Variants in B3GLCT observed in about 807,000 individuals in gnomAD.
The protein encoded by B3GLCT is beta 3-glucosyltransferase.
A neutral mutation model predicts 63.4 loss-of-function variants in B3GLCT; 65 were observed. The ratio of observed to expected loss-of-function variants is 1.03; its 90% CI spans 0.84 to 1.26. The LOEUF is 1.26. Ranked by LOEUF, B3GLCT falls within the 50% of genes most tolerant of loss-of-function variation. B3GLCT has a pLI of 0.00. For missense variants in B3GLCT, 577 were observed against 604.8 expected (o/e 0.95, Z 0.48); for synonymous variants, 233 against 219.2 (o/e 1.06, Z -0.55).
chr13:31,246,017 A>T (rs1453621447), intron 4 of B3GLCT, among the ~76,000 whole-genome samples: 1 of 152,196 alleles, frequency 6.6e-6, no homozygotes, highest in African/African-American at 2.4e-5. Flanking sequence ...TTGAAATTTA[A>T]TTCCAAAGAT....
At chr13:31,275,165 A>ACC (rs1872723330) in intron 9 of B3GLCT, among the ~76,000 whole-genome samples, 1 of 152,250 alleles carries the variant, frequency 6.6e-6, no homozygotes, top group South Asian at 2.1e-4. Context: ...CTAGCACTTT[A>ACC]CATACTAAAA....
chr13:31,221,323 G>T (rs886867754), intron 2 of B3GLCT, among the ~76,000 whole-genome samples: 2 of 152,212 alleles, frequency 1.3e-5, no homozygotes, highest in African/African-American at 2.4e-5. Flanking sequence ...GGCTCCTCTG[G>T]AGCTGAGGCT....
intron 14 of B3GLCT, among the ~76,000 whole-genome samples, chr13:31,327,986 A>G (rs1593325491): frequency 6.6e-6 from 1 of 152,180 alleles, no homozygotes; most frequent in African/African-American, 2.4e-5. Context: ...AGTGTGCCCA[A>G]CCGGCGGTAA....
intron 6 of B3GLCT, among the ~76,000 whole-genome samples, chr13:31,257,964 T>A (rs1237143159): frequency 6.6e-6 from 1 of 152,110 alleles, no homozygotes; most frequent in South Asian, 2.1e-4. Context: ...TCAGGGGAGA[T>A]AAGCAATAGA....
In B3GLCT at chr13:31,263,682, TG is replaced by T. The variant is rs145672798; in HGVS notation, c.596+2602del. On this transcript the variant is annotated intron_variant, in intron 7 of 14. Transcript: ENST00000343307. ...GGGCGACTGTATGTTCTGGATTATC[TG>T]GCATTTTGCAAGGTAGTCCCACAGG... Among the ~76,000 whole-genome samples the T allele has an allele frequency of 5.5e-3, 842 of 152,338 alleles. 5 individuals are homozygous for T. The highest frequency in any genetic ancestry group is 0.019 in the African/African-American group (798 of 41,566).
chr13:31,238,677 C>A (rs115854543), intron 4 of B3GLCT, among the ~76,000 whole-genome samples: 1 of 152,254 alleles, frequency 6.6e-6, no homozygotes, highest in Non-Finnish European at 1.5e-5. Context: ...ATAGGCCAGG[C>A]GCACCTGTAG....
At chr13:31,246,563 G>T (rs1871201161) in intron 4 of B3GLCT, among the ~76,000 whole-genome samples, 1 of 152,196 alleles carries the variant, frequency 6.6e-6, no homozygotes, top group East Asian at 1.9e-4. Context: ...ACATGAGGTA[G>T]ATCAAATATT....
intron 12 of B3GLCT, among the ~76,000 whole-genome samples, chr13:31,292,821 TG>T (rs1760197606): frequency 1.3e-5 from 2 of 152,152 alleles, no homozygotes; most frequent in Non-Finnish European, 2.9e-5. Flanking sequence ...AGTTCTGCTC[TG>T]ATCTTAGTTA....
intron 4 of B3GLCT, among the ~76,000 whole-genome samples, chr13:31,237,977 C>T (rs1032889325): frequency 2.0e-5 from 3 of 152,172 alleles, no homozygotes; most frequent in Non-Finnish European, 4.4e-5. Context: ...CAGAAGTCAG[C>T]AGTAAGTTTT....
intron 4 of B3GLCT, among the ~76,000 whole-genome samples, chr13:31,240,632 G>A (rs1264719299): frequency 6.6e-6 from 1 of 152,006 alleles, no homozygotes; most frequent in Admixed American, 6.5e-5. Flanking sequence ...GAGACTGTGA[G>A]TTACTTCATT....
intron 8 of B3GLCT, among the ~76,000 whole-genome samples, chr13:31,270,821 C>G (rs966035010): frequency 2.7e-5 from 4 of 148,662 alleles, no homozygotes; most frequent in African/African-American, 9.7e-5. Flanking sequence ...TTTTTTGCTC[C>G]TTAGTTCAGC....
Position 31,329,796 on chromosome 13 carries a change from A to G in B3GLCT, c.*128A>G. 4 of 1,002,720 alleles carry G rather than the reference A, an allele frequency of 4.0e-6. No homozygotes were observed. Among genetic ancestry groups the G allele is most frequent in the Non-Finnish European group, 6.1e-6 (4 of 658,494 alleles). 62.1% of individuals were successfully genotyped at this position (1,002,720 alleles called of 1,614,324 possible). A position where few individuals can be genotyped will look rare whatever the true frequency, so the allele number is the denominator to read the frequency against. On this transcript the variant is annotated 3_prime_UTR_variant, in exon 15 of 15. Coordinates refer to ENST00000343307, the MANE Select transcript of B3GLCT (RefSeq NM_194318.4). ...TTGGGTGCTTCCTGACTTTAGGGGG[A>G]GATTTTATGTATGGTATTTTTTGAC...
At chr13:31,321,612 A>G (rs1422526130) in intron 13 of B3GLCT, among the ~76,000 whole-genome samples, 5 of 152,202 alleles carry the variant, frequency 3.3e-5, no homozygotes, top group African/African-American at 9.6e-5. Context: ...ATGGCGGGTC[A>G]CAGTCCAGTA....
chr13:31,207,631 T>G (rs1869028967), intron 1 of B3GLCT, among the ~76,000 whole-genome samples: 1 of 152,216 alleles, frequency 6.6e-6, no homozygotes, highest in African/African-American at 2.4e-5. Context: ...GTTGGTCTCA[T>G]CAAACTTTGT....
intron 12 of B3GLCT, among the ~76,000 whole-genome samples, chr13:31,316,407 T>TTTTATATATATATATATATATATATA (rs1239451482): frequency 3.7e-4 from 15 of 40,854 alleles, no homozygotes; most frequent in African/African-American, 9.2e-4. Flanking sequence ...TTTGGAGGTT[T>TTTTATATATATATATATATATATATA]TATATATATA....
intron 8 of B3GLCT, 121 bp from the exon 9 acceptor site, chr13:31,274,388 A>G: frequency 7.8e-7 from 1 of 1,287,198 alleles, no homozygotes; most frequent in Non-Finnish European, 1.1e-6. Context: ...TGACAAATTG[A>G]TATGGTTCAG....
chr13:31,287,358 TCA>T (rs1299599309), intron 12 of B3GLCT, among the ~76,000 whole-genome samples: 2 of 152,164 alleles, frequency 1.3e-5, no homozygotes, highest in Admixed American at 6.5e-5. Context: ...TGCCTGACAC[TCA>T]CACATGCCTG....
intron 4 of B3GLCT, among the ~76,000 whole-genome samples, chr13:31,237,204 A>G (rs574023938): frequency 3.9e-5 from 6 of 152,164 alleles, no homozygotes; most frequent in Non-Finnish European, 5.9e-5. Context: ...TTAGGGGGCA[A>G]TGATGAGATA....
intron 6 of B3GLCT, among the ~76,000 whole-genome samples, chr13:31,259,992 G>A (rs931986642): frequency 2.6e-5 from 4 of 152,072 alleles, no homozygotes; most frequent in African/African-American, 9.7e-5. Context: ...TTCTATTGTG[G>A]TCAGAAGTGG....
Sources: gnomAD v4.1 joint callset for allele counts (sites outside exome capture counted in the v4.1 genomes callset) on GRCh38, gnomAD v4.1.1 for gene constraint, MANE v1.5 for transcripts, NCBI Gene and HGNC (gene_info 2026-07-23, HGNC 2026-07-21) for gene names.